PCDH15: variants seen among roughly 807,000 people sequenced by gnomAD.
PCDH15 encodes the protein protocadherin-15.
In PCDH15, 129 loss-of-function variants were observed where a neutral mutation model predicts 178.5. The observed-to-expected ratio is 0.72, with a 90% CI of 0.63 to 0.84. The LOEUF (loss-of-function observed/expected upper bound fraction) is 0.84, where lower values mean the gene tolerates loss of function less well. PCDH15 is among the 40% of genes least tolerant of loss of function. The pLI is 0.00. For missense variants in PCDH15, 2,230 were observed against 2,099.9 expected (o/e 1.06, Z -1.21); for synonymous variants, 800 against 732.0 (o/e 1.09, Z -1.50).
chr10:54,401,851 A>G (rs1192408989), intron 3 of PCDH15, among the ~76,000 whole-genome samples: 1 of 151,866 alleles, frequency 6.6e-6, no homozygotes, highest in Non-Finnish European at 1.5e-5. Flanking sequence ...CATCTTAAAC[A>G]AACTATTACA....
chr10:54,061,886 A>G (rs1156622385), intron 18 of PCDH15, among the ~76,000 whole-genome samples: 1 of 152,148 alleles, frequency 6.6e-6, no homozygotes, highest in Non-Finnish European at 1.5e-5. Flanking sequence ...AATTTGCTTC[A>G]AAAGTATTCC....
At chr10:55,111,928 T>A (rs904854963) in intron 2 of PCDH15, among the ~76,000 whole-genome samples, 2 of 152,320 alleles carry the variant, frequency 1.3e-5, no homozygotes, top group Middle Eastern at 3.4e-3. Context: ...CACATTATGA[T>A]TACGTGCTGC....
chr10:55,610,131 T>G (rs569010894), intron 2 of PCDH15, among the ~76,000 whole-genome samples: 1 of 152,188 alleles, frequency 6.6e-6, no homozygotes, highest in African/African-American at 2.4e-5. Context: ...ATTTCATGGC[T>G]GAGTACATCA....
intron 26 of PCDH15, among the ~76,000 whole-genome samples, chr10:53,898,247 A>G (rs963830446): frequency 6.6e-5 from 10 of 152,072 alleles, no homozygotes; most frequent in Admixed American, 2.0e-4. Context: ...GATTACAGGC[A>G]TGAGCCACCG....
intron 1 of PCDH15, among the ~76,000 whole-genome samples, chr10:54,670,649 A>T (rs2094646860): frequency 6.6e-6 from 1 of 152,162 alleles, no homozygotes; most frequent in Non-Finnish European, 1.5e-5. Context: ...TAGTTGGTTT[A>T]ATAAAATATA....
chr10:55,231,154 A>G (rs1478690863), intron 1 of PCDH15, among the ~76,000 whole-genome samples: 1 of 152,056 alleles, frequency 6.6e-6, no homozygotes, highest in Non-Finnish European at 1.5e-5. Flanking sequence ...TAGCACATAA[A>G]TGATGGTATC....
chr10:55,021,646 A>C (rs768641305), intron 2 of PCDH15, among the ~76,000 whole-genome samples: 5 of 152,222 alleles, frequency 3.3e-5, no homozygotes, highest in Non-Finnish European at 4.4e-5. Flanking sequence ...TCTTCTTTCA[A>C]AACAATAGCA....
At chr10:54,411,546 C>T (rs1044510811) in intron 3 of PCDH15, among the ~76,000 whole-genome samples, 1 of 152,074 alleles carries the variant, frequency 6.6e-6, no homozygotes, top group Non-Finnish European at 1.5e-5. Flanking sequence ...GGTTTATAAA[C>T]TGGGAATAAT....
chr10:53,808,437 A>G (rs954419019), intron 37 of PCDH15: 1 of 1,225,858 alleles, frequency 8.2e-7, no homozygotes, highest in African/African-American at 1.5e-5. Flanking sequence ...TAAATATTAA[A>G]TATTGATTAG....
chr10:55,488,752 T>C (rs1396748910), intron 2 of PCDH15, among the ~76,000 whole-genome samples: 2 of 151,532 alleles, frequency 1.3e-5, no homozygotes, highest in East Asian at 1.9e-4. Flanking sequence ...TTTAAAATTA[T>C]CATGAGAAGT....
At chr10:54,877,936 C>CTTTT (rs1954176789) in intron 3 of PCDH15, among the ~76,000 whole-genome samples, 38 of 104,304 alleles carry the variant, frequency 3.6e-4, no homozygotes, top group Non-Finnish European at 5.2e-4. Context: ...CTCTCTCTCT[C>CTTTT]TCTTTTTTTT....
At chr10:54,096,116 A>G (rs1259070105) in intron 15 of PCDH15, among the ~76,000 whole-genome samples, 5 of 152,116 alleles carry the variant, frequency 3.3e-5, no homozygotes, top group Admixed American at 2.6e-4. Flanking sequence ...TTTACAAACT[A>G]TAGAATCATA....
At chr10:55,133,341 G>A (rs534366470) in intron 2 of PCDH15, among the ~76,000 whole-genome samples, 2 of 152,226 alleles carry the variant, frequency 1.3e-5, no homozygotes, top group Admixed American at 1.3e-4. Context: ...TTTCCTCTGA[G>A]AAATCATTCC....
At position 54,395,661 on chromosome 10, in the gene PCDH15, CACAA is replaced by C. The variant is rs1015743848; in HGVS notation, c.158-16723_158-16720del. 2.6e-4 allele frequency among the ~76,000 whole-genome samples: 39 copies of C among 151,814 alleles called. No individual in the cohort carries two copies. The South Asian group carries it at 5.2e-3, about 20-fold the overall frequency. ...TTATACACACACAAACATGCACACACACAAACACACACACACACCTACACACACA... is the reference window on the plus strand; with the variant it reads ...TTATACACACACAAACATGCACACACACACACACACACACCTACACACACA... On this transcript the variant is annotated intron_variant, in intron 3 of 37. Coordinates refer to ENST00000644397, the MANE Select transcript of PCDH15 (RefSeq NM_001384140.1).
chr10:54,332,361 C>A (rs555513124), intron 6 of PCDH15, among the ~76,000 whole-genome samples: 1,046 of 98,726 alleles, frequency 0.011, 105 homozygotes, highest in Non-Finnish European at 0.016. Context: ...ATAATATAAT[C>A]TATATTATAT....
At chr10:53,971,837 C>T (rs1362032338) in intron 21 of PCDH15, among the ~76,000 whole-genome samples, 3 of 152,124 alleles carry the variant, frequency 2.0e-5, no homozygotes, top group South Asian at 4.1e-4. Context: ...TACGAAGAAT[C>T]AATACCATGA....
chr10:54,706,245 A>G (rs1277783239), intron 1 of PCDH15, among the ~76,000 whole-genome samples: 2 of 152,218 alleles, frequency 1.3e-5, no homozygotes, highest in Non-Finnish European at 2.9e-5. Flanking sequence ...TCTTTAATAT[A>G]GAAAACAAAC....
rs549783127 is a variant in PCDH15, at chr10:55,174,759, C to T, written c.-155-8108G>A. Among the ~76,000 whole-genome samples the T allele has an allele frequency of 1.7e-3, 256 of 152,196 alleles. 6 individuals are homozygous for T. Among genetic ancestry groups the T allele is most frequent in the Admixed American group, 0.015 (233 of 15,290 alleles). ...ATCCATGTTCTTTCTTAACTTGTCC[C>T]ATCCTAGAAATCCTCATTTTAAGTG... On this transcript the variant is annotated intron_variant, in intron 1 of 5. Coordinates refer to the PCDH15 transcript ENST00000458638.
At chr10:55,066,205 ATC>A (rs1169855277) in intron 2 of PCDH15, among the ~76,000 whole-genome samples, 2 of 149,752 alleles carry the variant, frequency 1.3e-5, no homozygotes, top group African/African-American at 5.0e-5. Context: ...CTCCCTTAAT[ATC>A]TGTTTCTTTC....
Sources: allele counts gnomAD v4.1 joint callset (sites outside exome capture counted in the v4.1 genomes callset), GRCh38; gene constraint gnomAD v4.1.1; transcripts MANE v1.5; gene names NCBI Gene and HGNC (gene_info 2026-07-23, HGNC 2026-07-21).